The following GPC5 variants were observed in gnomAD, a reference collection of about 807,000 sequenced individuals.
GPC5 encodes glypican-5.
GPC5 carries 47 observed loss-of-function variants against 53.9 expected under a neutral mutation model. The observed-to-expected ratio is 0.87, with a 90% confidence interval of 0.69 to 1.11. The LOEUF (loss-of-function observed/expected upper bound fraction) is 1.11, where lower values mean the gene tolerates loss of function less well. Among genes scored for constraint, GPC5 ranks in the 50% most tolerant of loss-of-function variants. GPC5 has a pLI of 0.00. For synonymous variants in GPC5, 286 were observed against 263.3 expected, an observed-to-expected ratio of 1.09 and a Z score of -0.84; for missense variants, 748 against 713.1, an observed-to-expected ratio of 1.05 and a Z score of -0.56.
chr13:91,466,005 A>G (rs187526172), intron 2 of GPC5, among the ~76,000 whole-genome samples: 1 of 152,276 alleles, frequency 6.6e-6, no homozygotes, highest in East Asian at 1.9e-4. Context: ...TATTGCTTTT[A>G]GTAGGGACTG....
At chr13:92,480,470 A>G (rs1442818593) in intron 7 of GPC5, among the ~76,000 whole-genome samples, 2 of 152,212 alleles carry the variant, frequency 1.3e-5, no homozygotes, top group Non-Finnish European at 2.9e-5. Flanking sequence ...ACCCAAGTTT[A>G]AGAAGGCTTA....
chr13:92,019,751 T>C (rs986763679), intron 6 of GPC5, among the ~76,000 whole-genome samples: 1 of 152,050 alleles, frequency 6.6e-6, no homozygotes, highest in Non-Finnish European at 1.5e-5. Context: ...GGTGGGACAT[T>C]CCTTGGACTC....
intron 2 of GPC5, among the ~76,000 whole-genome samples, chr13:91,579,695 C>T (rs2032283070): frequency 7.6e-6 from 1 of 131,688 alleles, no homozygotes; most frequent in African/African-American, 2.8e-5. Flanking sequence ...GAGGCGCGAT[C>T]TCGGCTTACT....
chr13:92,561,260 A>C (rs918841253), intron 7 of GPC5, among the ~76,000 whole-genome samples: 1 of 152,006 alleles, frequency 6.6e-6, no homozygotes, highest in Non-Finnish European at 1.5e-5. Flanking sequence ...CCTTGCCAAG[A>C]TAATGTAAAT....
chr13:92,332,424 T>C (rs1032739748), intron 7 of GPC5, among the ~76,000 whole-genome samples: 1 of 152,172 alleles, frequency 6.6e-6, no homozygotes, highest in African/African-American at 2.4e-5. Context: ...GATTTAAAGT[T>C]ACAGGGATCT....
rs112357645 is a variant in GPC5 at position 92,851,657 on chromosome 13, G to A, written c.1562-14625G>A. 4.0e-5 allele frequency among the ~76,000 whole-genome samples: 6 copies of A among 151,786 alleles called. 1 individual carries two copies. Among genetic ancestry groups the A allele is most frequent in the East Asian group, 1.9e-4 (1 of 5,130 alleles). ...AGCACTTTGGGAGGCCAAGGAGGGC[G>A]GATCACAAGATCAGGAGATTGAGAC... On this transcript the variant is annotated intron_variant, in intron 7 of 7. Coordinates refer to ENST00000377067, the MANE Select transcript of GPC5 (RefSeq NM_004466.6).
chr13:91,522,712 G>A (rs936442273), intron 2 of GPC5, among the ~76,000 whole-genome samples: 3 of 152,036 alleles, frequency 2.0e-5, no homozygotes, highest in Non-Finnish European at 2.9e-5. Context: ...TCCCTACCCC[G>A]TGTCCAGGTG....
chr13:92,342,331 G>A (rs1034580005), intron 7 of GPC5, among the ~76,000 whole-genome samples: 2 of 152,050 alleles, frequency 1.3e-5, no homozygotes, highest in Admixed American at 6.6e-5. Context: ...GGCTACTGGG[G>A]GACATTGTTC....
At chr13:92,769,271 T>C (rs867897456) in intron 7 of GPC5, among the ~76,000 whole-genome samples, 30 of 152,220 alleles carry the variant, frequency 2.0e-4, no homozygotes, top group Admixed American at 2.0e-4. Flanking sequence ...TGCCATGTTC[T>C]GTAAGATGAT....
chr13:92,320,619 T>C (rs2043209432), intron 7 of GPC5, among the ~76,000 whole-genome samples: 1 of 152,182 alleles, frequency 6.6e-6, no homozygotes, highest in Admixed American at 6.5e-5. Context: ...TTGGATGCCT[T>C]ATTTCTTAAT....
intron 7 of GPC5, among the ~76,000 whole-genome samples, chr13:92,323,493 T>G (rs1398259591): frequency 3.3e-5 from 5 of 151,646 alleles, no homozygotes; most frequent in Non-Finnish European, 7.4e-5. Context: ...GCTGGCATGC[T>G]TTAGGCATTT....
intron 6 of GPC5, among the ~76,000 whole-genome samples, chr13:92,138,747 C>T (rs1264569597): frequency 6.6e-6 from 1 of 151,736 alleles, no homozygotes; most frequent in Non-Finnish European, 1.5e-5. Context: ...TAACACTTGC[C>T]CCGAGGATGG....
intron 6 of GPC5, among the ~76,000 whole-genome samples, chr13:92,086,084 G>A (rs1566428821): frequency 6.6e-6 from 1 of 152,146 alleles, no homozygotes; most frequent in Non-Finnish European, 1.5e-5. Context: ...CACACTGTGT[G>A]GCCTTCTGCA....
At chr13:92,102,864 T>G (rs985159843) in intron 6 of GPC5, among the ~76,000 whole-genome samples, 7 of 152,070 alleles carry the variant, frequency 4.6e-5, no homozygotes. Flanking sequence ...GATGAGGTTG[T>G]TGTTTGTTTG....
At chr13:92,040,294 G>T (rs1323433096) in intron 6 of GPC5, among the ~76,000 whole-genome samples, 4 of 152,194 alleles carry the variant, frequency 2.6e-5, no homozygotes, top group Non-Finnish European at 5.9e-5. Flanking sequence ...TGCACGTTAA[G>T]TGCATCTGCT....
chr13:91,427,440 A>G (rs1484429603), intron 1 of GPC5, among the ~76,000 whole-genome samples: 2 of 152,104 alleles, frequency 1.3e-5, no homozygotes, highest in African/African-American at 2.4e-5. Flanking sequence ...TTAAGTTTTA[A>G]TGCCTTCCCT....
At chr13:91,447,783 A>G (rs1251154637) in intron 1 of GPC5, among the ~76,000 whole-genome samples, 1 of 152,148 alleles carries the variant, frequency 6.6e-6, no homozygotes, top group Non-Finnish European at 1.5e-5. Context: ...ATTAAGGGCC[A>G]CAATTCTTCT....
At chr13:91,428,183 A>G (rs747644616) in intron 1 of GPC5, among the ~76,000 whole-genome samples, 46 of 152,146 alleles carry the variant, frequency 3.0e-4, no homozygotes, top group Admixed American at 1.6e-3. Flanking sequence ...TCACTCCCAC[A>G]GTTTGGTGAG....
At chr13:91,844,518 G>C (rs77569611) in intron 5 of GPC5, among the ~76,000 whole-genome samples, 2 of 152,106 alleles carry the variant, frequency 1.3e-5, no homozygotes, top group Non-Finnish European at 2.9e-5. Context: ...CTGTAGAACC[G>C]TACAGCAACT....
Sources: gnomAD v4.1 joint callset for allele counts (sites outside exome capture counted in the v4.1 genomes callset) on GRCh38, gnomAD v4.1.1 for gene constraint, MANE v1.5 for transcripts, NCBI Gene and HGNC (gene_info 2026-07-23, HGNC 2026-07-21) for gene names.